The following ATP6V1A variants were observed in gnomAD, a reference collection of about 807,000 sequenced individuals.
ATP6V1A encodes the protein ATPase H+ transporting V1 subunit A.
A neutral mutation model predicts 70.1 loss-of-function variants in ATP6V1A; 18 were observed. The observed-to-expected ratio is 0.26, with a 90% CI of 0.18 to 0.38. The LOEUF (loss-of-function observed/expected upper bound fraction) is 0.38, where lower values mean the gene tolerates loss of function less well. Among genes scored for constraint, ATP6V1A ranks in the 10% least tolerant of loss-of-function variants. The pLI is 1.00. For synonymous variants in ATP6V1A, 232 were observed against 253.8 expected, an observed-to-expected ratio of 0.91 and a Z score of 0.82; for missense variants, 424 against 772.4, an observed-to-expected ratio of 0.55 and a Z score of 5.35.
intron 12 of ATP6V1A, chr3:113,801,190 A>T (rs1577095849): frequency 2.0e-5 from 3 of 147,810 alleles, no homozygotes; most frequent in African/African-American, 7.5e-5. Context: ...ATAATAAGAT[A>T]AAAATGTTTA....
chr3:113,784,497 A>C, intron 4 of ATP6V1A, 59 bp downstream of exon 4: 1 of 1,502,162 alleles, frequency 6.7e-7, no homozygotes, highest in Non-Finnish European at 9.1e-7. Flanking sequence ...ATGAATGTTT[A>C]GTAAACTACA....
intron 12 of ATP6V1A, chr3:113,803,355 C>G: frequency 2.3e-6 from 1 of 434,856 alleles, no homozygotes; most frequent in Non-Finnish European, 4.1e-6. Flanking sequence ...GTGAGTATAC[C>G]TAACACTGTT....
intron 1 of ATP6V1A, among the ~76,000 whole-genome samples, chr3:113,774,451 C>T (rs1007661499): frequency 2.0e-5 from 3 of 152,098 alleles, no homozygotes; most frequent in Non-Finnish European, 4.4e-5. Context: ...AAGGATGAAA[C>T]AATTTGATTT....
chr3:113,793,974 G>A (rs139019653), intron 8 of ATP6V1A, among the ~76,000 whole-genome samples: 1 of 152,098 alleles, frequency 6.6e-6, no homozygotes, highest in East Asian at 1.9e-4. Context: ...CACTTCATCT[G>A]CCATATATAC....
intron 1 of ATP6V1A, among the ~76,000 whole-genome samples, chr3:113,762,268 G>GA (rs566264191): frequency 0.011 from 1,580 of 149,092 alleles, 21 homozygotes; most frequent in African/African-American, 0.037. Context: ...CCTGAATTTT[G>GA]AAAAAAATTG....
At chr3:113,757,283 A>G (rs939105278) in intron 1 of ATP6V1A, among the ~76,000 whole-genome samples, 1 of 152,158 alleles carries the variant, frequency 6.6e-6, no homozygotes, top group African/African-American at 2.4e-5. Context: ...GGGTATAGGG[A>G]CAGCTTGGAA....
rs897228451 is a variant in ATP6V1A, at chr3:113,810,036, A to T, written c.*609A>T. ...TATACTCTTTTTATTTTTATTTTTT[A>T]TTTTTTTTATTATTTTTTTTTTGGG... On this transcript the variant is annotated 3_prime_UTR_variant, in exon 15 of 15. Coordinates refer to ENST00000273398, the MANE Select transcript of ATP6V1A (RefSeq NM_001690.4). 2.0e-5 allele frequency: 3 copies of T among 151,140 alleles called. No individual in the cohort carries two copies. Among genetic ancestry groups the T allele is most frequent in the African/African-American group, 4.9e-5 (2 of 41,170 alleles). The allele number at this position is 151,140 out of a possible 1,614,324, so 9.4% of individuals were successfully genotyped here.
In ATP6V1A at chr3:113,809,443, C is replaced by A; in HGVS notation, c.*16C>A. ...TGAAGATTAGAAGCCTTGAAGATTA[C>A]AACTGTGATTTCCTTTTCCTCAGCA... On this transcript the variant is annotated 3_prime_UTR_variant, in exon 15 of 15. Transcript: ENST00000273398. 6.2e-7 allele frequency: 1 copy of A among 1,603,632 alleles called. No individual in the cohort carries two copies. The highest frequency in any genetic ancestry group is 8.5e-7 in the Non-Finnish European group (1 of 1,172,268).
chr3:113,807,142 G>A (rs888176000), intron 14 of ATP6V1A, among the ~76,000 whole-genome samples: 3 of 151,272 alleles, frequency 2.0e-5, no homozygotes, highest in African/African-American at 4.8e-5. Context: ...ATTTTGATAC[G>A]GATATACACG....
chr3:113,760,153 G>C (rs1251498243), intron 1 of ATP6V1A, among the ~76,000 whole-genome samples: 2 of 152,166 alleles, frequency 1.3e-5, no homozygotes, highest in East Asian at 3.8e-4. Context: ...TAGGTAAACT[G>C]TTAGAAACAC....
chr3:113,809,369 G>C lies in ATP6V1A; in HGVS notation c.1796G>C (p.Ser599Thr). Reference sequence around the variant, plus strand: ...AAAGATGGTGAGGCAAAGATCAAAAGCGACTATGCACAACTTCTTGAAGAC... The same window carrying C: ...AAAGATGGTGAGGCAAAGATCAAAACCGACTATGCACAACTTCTTGAAGAC... ...PLKDGEAKIK[S>T]DYAQLLEDMQ... Residue 599 changes from serine (S) to threonine (T), a missense_variant, in exon 15 of 15, where the codon AGC becomes ACC. Ser to Thr is a moderately conservative substitution (Grantham distance 58). This residue lies in a region of ATP6V1A where 127 missense variants were observed against 207.9 expected (regional missense o/e 0.61). Coordinates refer to ENST00000273398, the MANE Select transcript of ATP6V1A (RefSeq NM_001690.4). The C allele has an allele frequency of 6.2e-7, 1 of 1,613,914 alleles. No individual in the cohort carries two copies. Among genetic ancestry groups the C allele is most frequent in the Non-Finnish European group, 8.5e-7 (1 of 1,179,848 alleles).
chr3:113,784,537 T>C, intron 4 of ATP6V1A, 99 bp downstream of exon 4: 1 of 1,383,690 alleles, frequency 7.2e-7, no homozygotes, highest in Non-Finnish European at 9.8e-7. Context: ...AAAAATAGAC[T>C]ACAGAAGGAT....
intron 14 of ATP6V1A, among the ~76,000 whole-genome samples, 161 bp from the exon 15 acceptor site, chr3:113,809,174 G>A (rs1709312767): frequency 6.6e-6 from 1 of 152,094 alleles, no homozygotes; most frequent in African/African-American, 2.4e-5. Flanking sequence ...AGAATCACTT[G>A]AAGCCAGGAG....
chr3:113,787,504 G>C lies in ATP6V1A; in HGVS notation c.716+1121G>C, dbSNP rs541158423. Among the ~76,000 whole-genome samples the C allele has an allele frequency of 3.9e-5, 6 of 152,234 alleles. No homozygotes were observed. The South Asian group carries it at 8.3e-4, about 21-fold the overall frequency. ...GTCTATTTTTGGCTTAAGCCTCTCTGTAACCAATTATATAATTTTACGGTA... is the reference window on the plus strand; with the variant it reads ...GTCTATTTTTGGCTTAAGCCTCTCTCTAACCAATTATATAATTTTACGGTA... On this transcript the variant is annotated intron_variant, in intron 6 of 14. Transcript: ENST00000273398.
At chr3:113,769,570 A>G (rs1428690450) in intron 1 of ATP6V1A, among the ~76,000 whole-genome samples, 2 of 152,236 alleles carry the variant, frequency 1.3e-5, no homozygotes, top group Non-Finnish European at 2.9e-5. Context: ...CCCAACAGCC[A>G]TATCATCCAA....
intron 11 of ATP6V1A, among the ~76,000 whole-genome samples, chr3:113,797,938 G>C (rs1220529836): frequency 6.6e-6 from 1 of 152,086 alleles, no homozygotes. Context: ...TTCGAGACAA[G>C]CCTAGCCAAC....
chr3:113,790,762 GA>G (rs1406826544), intron 8 of ATP6V1A, among the ~76,000 whole-genome samples: 1 of 152,170 alleles, frequency 6.6e-6, no homozygotes, highest in Non-Finnish European at 1.5e-5. Flanking sequence ...GTTTCTTCAA[GA>G]AGACTTATGG....
chr3:113,773,636 A>G (rs1444781647), intron 1 of ATP6V1A, among the ~76,000 whole-genome samples: 2 of 152,190 alleles, frequency 1.3e-5, no homozygotes, highest in Non-Finnish European at 2.9e-5. Flanking sequence ...TTGTTTTAAA[A>G]AATCAGAACA....
chr3:113,781,230 G>T, intron 3 of ATP6V1A, 52 bp downstream of exon 3: 1 of 1,554,774 alleles, frequency 6.4e-7, no homozygotes, highest in Non-Finnish European at 8.7e-7. Flanking sequence ...AAAATTTAAG[G>T]ATTTAGGCCA....
Sources: allele counts gnomAD v4.1 joint callset (sites outside exome capture counted in the v4.1 genomes callset), GRCh38; gene constraint gnomAD v4.1.1; regional missense constraint gnomAD v4.1.1; transcripts MANE v1.5; gene names NCBI Gene and HGNC (gene_info 2026-07-23, HGNC 2026-07-21).